Variants in RHOU observed in about 807,000 individuals in gnomAD.
The protein encoded by RHOU is ras homolog family member U.
In RHOU, 8 loss-of-function variants were observed where a neutral mutation model predicts 12.6. The observed-to-expected ratio is 0.64, with a 90% CI of 0.37 to 1.15. RHOU has a LOEUF of 1.15. Ranked by LOEUF, RHOU falls within the 50% of genes most tolerant of loss-of-function variation. RHOU has a pLI of 0.01. For synonymous variants in RHOU, 161 were observed against 147.4 expected (o/e 1.09, Z -0.67); for missense variants, 258 against 347.0 (o/e 0.74, Z 2.04).
At chr1:228,720,400 C>A in the RHOU span, among the ~76,000 whole-genome samples, 12 of 152,222 alleles carry the variant, frequency 7.9e-5, no homozygotes, top group Middle Eastern at 6.8e-3. Context: ...AATTTTGTCT[C>A]CCCAAAATTC....
chr1:228,724,518 T>C, the RHOU span, among the ~76,000 whole-genome samples: 1 of 152,216 alleles, frequency 6.6e-6, no homozygotes, highest in Non-Finnish European at 1.5e-5. Context: ...AGTCTTGCTA[T>C]GTTGCCTTGG....
At chr1:228,707,130 A>ATATATG in the RHOU span, among the ~76,000 whole-genome samples, 88 of 110,182 alleles carry the variant, frequency 8.0e-4, 2 homozygotes, top group Middle Eastern at 8.6e-3. Flanking sequence ...ATATATACAT[A>ATATATG]TATATATATA....
the RHOU span, chr1:228,650,297 C>A: frequency 2.2e-6 from 1 of 464,710 alleles, no homozygotes; most frequent in Non-Finnish European, 4.3e-6. Context: ...CGCAAGGAGG[C>A]AGCGGCGGGC....
At chr1:228,649,568 C>A in the RHOU span, among the ~76,000 whole-genome samples, 1 of 152,144 alleles carries the variant, frequency 6.6e-6, no homozygotes, top group South Asian at 2.1e-4. Context: ...TGATTATCAT[C>A]CTGGTTAAAT....
rs1437682399 is a variant in RHOU, at chr1:228,738,760, G to A, written c.321+1029G>A. Among the ~76,000 whole-genome samples, 3 of 152,114 alleles carry A rather than the reference G, an allele frequency of 2.0e-5. No individual in the cohort carries two copies. The highest frequency in any genetic ancestry group is 4.4e-5 in the Non-Finnish European group (3 of 68,032). The stretch of plus-strand genomic sequence containing the variant: ...GAGCCTTGATCTCCAAGGAACACCG[G>A]GCTGGTGCAGGCCATAGCTTGGGAG... On this transcript the variant is annotated intron_variant, in intron 2 of 2. Transcript: ENST00000366691. The surrounding 1 kb of genome is among the most constrained non-coding windows in gnomAD (Gnocchi z 4.2).
the RHOU span, among the ~76,000 whole-genome samples, chr1:228,720,063 C>A: frequency 1.1e-4 from 17 of 152,226 alleles, no homozygotes; most frequent in Admixed American, 3.3e-4. Flanking sequence ...CAAGGTGGCT[C>A]ATGTCCATAA....
chr1:228,655,650 C>T, the RHOU span, among the ~76,000 whole-genome samples: 2 of 152,220 alleles, frequency 1.3e-5, no homozygotes, highest in South Asian at 4.1e-4. Context: ...ATTCATTTCC[C>T]TTGAACACAG....
At chr1:228,647,223 T>C in the RHOU span, among the ~76,000 whole-genome samples, 2 of 152,062 alleles carry the variant, frequency 1.3e-5, no homozygotes, top group Admixed American at 6.5e-5. Flanking sequence ...CTTGGATGAA[T>C]TGCTTGCTTT....
upstream of RHOU, among the ~76,000 whole-genome samples, chr1:228,731,468 G>A (rs1344091481): frequency 2.0e-5 from 3 of 152,192 alleles, no homozygotes; most frequent in East Asian, 5.8e-4. Flanking sequence ...AAGGGGTAAA[G>A]CAAGAGAGGG....
chr1:228,712,415 G>A, the RHOU span, among the ~76,000 whole-genome samples: 11 of 151,718 alleles, frequency 7.3e-5, no homozygotes, highest in Non-Finnish European at 1.2e-4. Context: ...CAACCCACAC[G>A]TCCAACAATG....
chr1:228,681,243 G>C, the RHOU span, among the ~76,000 whole-genome samples: 1 of 146,722 alleles, frequency 6.8e-6, no homozygotes, highest in African/African-American at 2.5e-5. Context: ...TTGGGCAGGA[G>C]GGGGAGAGCT....
the RHOU span, among the ~76,000 whole-genome samples, chr1:228,665,193 G>A: frequency 0.057 from 8,712 of 152,296 alleles, 330 homozygotes; most frequent in Non-Finnish European, 0.09. Flanking sequence ...TAAAGTGCCT[G>A]CTATGCACTA....
At chr1:228,728,813 T>C in the RHOU span, among the ~76,000 whole-genome samples, 1 of 152,174 alleles carries the variant, frequency 6.6e-6, no homozygotes, top group Non-Finnish European at 1.5e-5. Context: ...AAGTTTCCCA[T>C]GACCCCTTTC....
At chr1:228,726,770 A>T in the RHOU span, among the ~76,000 whole-genome samples, 32 of 152,228 alleles carry the variant, frequency 2.1e-4, no homozygotes. Context: ...TGGGGAAATA[A>T]TAGCACAGGT....
chr1:228,722,310 C>T, the RHOU span, among the ~76,000 whole-genome samples: 1 of 152,252 alleles, frequency 6.6e-6, no homozygotes, highest in East Asian at 1.9e-4. Context: ...TTTCCTTTAA[C>T]AAGGGAGTCC....
the RHOU span, among the ~76,000 whole-genome samples, chr1:228,682,569 T>C: frequency 2.6e-5 from 4 of 151,586 alleles, no homozygotes; most frequent in Admixed American, 2.6e-4. Flanking sequence ...ATCTCAAGGG[T>C]GGGGAGAATT....
upstream of RHOU, among the ~76,000 whole-genome samples, chr1:228,732,202 C>T (rs1168840260): frequency 6.6e-6 from 1 of 152,294 alleles, no homozygotes; most frequent in East Asian, 1.9e-4. Flanking sequence ...GCACCTACTA[C>T]TTGCCCCACG....
chr1:228,736,037 C>G (rs1662602428), intron 1 of RHOU, 33 bp downstream of exon 1: 2 of 1,560,324 alleles, frequency 1.3e-6, no homozygotes, highest in Admixed American at 1.8e-5. Context: ...GCCGGGGGCG[C>G]GTGGCCGCGG....
At chr1:228,713,698 A>G in the RHOU span, among the ~76,000 whole-genome samples, 247 of 152,302 alleles carry the variant, frequency 1.6e-3, 1 homozygote, top group Non-Finnish European at 2.5e-3. Context: ...TAGCAAATTA[A>G]TCAAACCCAA....
Sources: gnomAD v4.1 joint callset for allele counts (sites outside exome capture counted in the v4.1 genomes callset) on GRCh38, gnomAD v4.1.1 for gene constraint, Gnocchi (gnomAD v3.1) non-coding constraint, MANE v1.5 for transcripts, NCBI Gene and HGNC (gene_info 2026-07-23, HGNC 2026-07-21) for gene names.